Variants in JAKMIP3 observed in about 807,000 individuals in gnomAD.
JAKMIP3 encodes janus kinase and microtubule-interacting protein 3.
In JAKMIP3, 58 loss-of-function variants were observed where a neutral mutation model predicts 118.5. The ratio of observed to expected loss-of-function variants is 0.49; its 90% CI spans 0.40 to 0.61. The LOEUF is 0.61. Ranked by LOEUF, JAKMIP3 falls within the 20% of genes least tolerant of loss-of-function variation. The pLI is 0.00. For synonymous variants in JAKMIP3, 486 were observed against 451.2 expected (o/e 1.08, Z -0.98); for missense variants, 950 against 1,109.0 (o/e 0.86, Z 2.04).
rs146552262 is a variant in JAKMIP3 at position 132,066,226 on chromosome 10, C to T, written c.-138+165C>T. Reference sequence around the variant, plus strand: ...GTCCTCTGAGGGGTGCAGGGACGATCACAGAGGAAGATGCTTCATTTATCC... The same window carrying T: ...GTCCTCTGAGGGGTGCAGGGACGATTACAGAGGAAGATGCTTCATTTATCC... On this transcript the variant is annotated intron_variant, in intron 1 of 23. Transcript: ENST00000684848. 4.1e-3 allele frequency among the ~76,000 whole-genome samples: 617 copies of T among 152,320 alleles called. 8 individuals are homozygous for T. Among genetic ancestry groups the T allele is most frequent in the African/African-American group, 0.014 (587 of 41,574 alleles).
chr10:132,180,781 G>GTA lies in JAKMIP3; in HGVS notation c.*1104-1575_*1104-1574insAT, dbSNP rs1286041055. Among the ~76,000 whole-genome samples, 11 of 70,918 alleles carry GTA rather than the reference G, an allele frequency of 1.6e-4. 1 individual carries two copies. Among genetic ancestry groups the GTA allele is most frequent in the African/African-American group, 5.8e-4 (11 of 18,886 alleles). The allele number at this position is 70,918 out of a possible 152,430, so 46.5% of individuals were successfully genotyped here. ...TGTGCGTGTGTGTGCGTGTGTGTGT[G>GTA]TGCGCGTATGCATGTGCTGTGAGTG... On this transcript the variant is annotated intron_variant, in intron 23 of 23. Coordinates refer to ENST00000684848, the MANE Select transcript of JAKMIP3 (RefSeq NM_001323087.2).
chr10:132,107,129 A>G (rs1158108460), intron 2 of JAKMIP3, among the ~76,000 whole-genome samples: 3 of 151,720 alleles, frequency 2.0e-5, no homozygotes, highest in African/African-American at 7.3e-5. Flanking sequence ...TCCTGGACTC[A>G]AGCAATCTTC....
chr10:132,104,669 C>T lies in JAKMIP3; in HGVS notation c.-137-3C>T. The T allele has an allele frequency of 2.4e-6, 2 of 839,618 alleles. No individual in the cohort carries two copies. The highest frequency in any genetic ancestry group is 3.7e-6 in the Non-Finnish European group (2 of 537,966). The allele number at this position is 839,618 out of a possible 1,614,324, so 52.0% of individuals were successfully genotyped here. On this transcript the variant is annotated splice_region_variant and splice_polypyrimidine_tract_variant and intron_variant, in intron 1 of 23. Coordinates refer to ENST00000684848, the MANE Select transcript of JAKMIP3 (RefSeq NM_001323087.2). ...GCTCACCGCGGTGTGCTTTCCCCTC[C>T]AGGTGAATGAGAAGATGTAGTGTGA...
intron 22 of JAKMIP3, 82 bp from the exon 23 acceptor site, chr10:132,167,871 C>CCCCTCGA: frequency 9.2e-7 from 1 of 1,091,200 alleles, no homozygotes; most frequent in Non-Finnish European, 1.2e-6. Context: ...TCGGCCCTCG[C>CCCCTCGA]CCCTCGCCCC....
At chr10:132,072,534 C>CAAAT (rs1169316161) in intron 1 of JAKMIP3, among the ~76,000 whole-genome samples, 3 of 152,038 alleles carry the variant, frequency 2.0e-5, no homozygotes, top group Non-Finnish European at 2.9e-5. Flanking sequence ...CAGCCTGTCT[C>CAAAT]AAATAAATAA....
At chr10:132,159,824 G>GC (rs1258947598) in intron 19 of JAKMIP3, among the ~76,000 whole-genome samples, 2 of 75,534 alleles carry the variant, frequency 2.6e-5, no homozygotes, top group African/African-American at 1.4e-4. Context: ...GATGCTGGGG[G>GC]GCCTCTCCCT....
chr10:132,144,500 C>A (rs74161732), intron 11 of JAKMIP3: 11,907 of 152,658 alleles, frequency 0.078, 701 homozygotes, highest in Admixed American at 0.19. Flanking sequence ...GCTGAGCACA[C>A]GCTAGGCCTC....
chr10:132,180,676 C>CGTGCGCGTGT (rs1374821205), intron 23 of JAKMIP3, among the ~76,000 whole-genome samples: 1 of 4,578 alleles, frequency 2.2e-4, no homozygotes, highest in African/African-American at 8.1e-4. Flanking sequence ...CGTGTGTGTG[C>CGTGCGCGTGT]GCGCGCGTGT....
chr10:132,143,320 C>T (rs1361311832), intron 11 of JAKMIP3, among the ~76,000 whole-genome samples: 1 of 152,164 alleles, frequency 6.6e-6, no homozygotes, highest in Non-Finnish European at 1.5e-5. Context: ...ACAGCAGCCC[C>T]GAGACATCCC....
At chr10:132,120,585 C>T (rs1239588246) in intron 3 of JAKMIP3, among the ~76,000 whole-genome samples, 1 of 152,254 alleles carries the variant, frequency 6.6e-6, no homozygotes, top group African/African-American at 2.4e-5. Context: ...GTACTTGGCT[C>T]CATGCCCATA....
At position 132,168,350 on chromosome 10, in the gene JAKMIP3, G is replaced by T; in HGVS notation, c.*420G>T. The T allele has an allele frequency of 7.8e-7, 1 of 1,289,592 alleles. No homozygotes were observed. Among genetic ancestry groups the T allele is most frequent in the Non-Finnish European group, 1.0e-6 (1 of 988,820 alleles). 79.9% of individuals were successfully genotyped at this position (1,289,592 alleles called of 1,614,324 possible). A position where few individuals can be genotyped will look rare whatever the true frequency, so the allele number is the denominator to read the frequency against. On this transcript the variant is annotated 3_prime_UTR_variant, in exon 23 of 24. Coordinates refer to ENST00000684848, the MANE Select transcript of JAKMIP3 (RefSeq NM_001323087.2). ...TTGGTTCTCACAGTAGCTGCCACTG[G>T]TGTCTGGAGGAAGATTTTCAGAAAC...
rs1208320282 is a variant in JAKMIP3, at chr10:132,080,113, G to C, written c.-138+14052G>C. Among the ~76,000 whole-genome samples the C allele has an allele frequency of 1.3e-5, 2 of 152,210 alleles. 1 individual carries two copies. The highest frequency in any genetic ancestry group is 1.3e-4 in the Admixed American group (2 of 15,284). On this transcript the variant is annotated intron_variant, in intron 1 of 23. Coordinates refer to ENST00000684848, the MANE Select transcript of JAKMIP3 (RefSeq NM_001323087.2). Reference sequence around the variant, plus strand: ...GATAATTGCTTGAGCCCAGAAGTTGGAGGCTGCAGTGAGCTACAGTCATCA... The same window carrying C: ...GATAATTGCTTGAGCCCAGAAGTTGCAGGCTGCAGTGAGCTACAGTCATCA...
chr10:132,098,549 T>G (rs1320477702), intron 1 of JAKMIP3, among the ~76,000 whole-genome samples: 1 of 152,216 alleles, frequency 6.6e-6, no homozygotes, highest in African/African-American at 2.4e-5. Context: ...TTGTCCATCT[T>G]GAAGCATCTT....
rs1312612878 is a variant in JAKMIP3 at position 132,117,163 on chromosome 10, G to A, written c.222G>A (p.Glu74=). 1 of 1,613,860 alleles carries A rather than the reference G, an allele frequency of 6.2e-7. No homozygotes were observed. The highest frequency in any genetic ancestry group is 8.5e-7 in the Non-Finnish European group (1 of 1,179,912). The change falls in exon 3 of 24, where the codon GAG becomes GAA. Residue 74 remains glutamate (E), a synonymous_variant. Coordinates refer to ENST00000684848, the MANE Select transcript of JAKMIP3 (RefSeq NM_001323087.2). The surrounding 1 kb of genome is among the most constrained non-coding windows in gnomAD (Gnocchi z 8.6). ...EQHKTAVLLT[E]LKTKLHEEKM... The stretch of plus-strand genomic sequence containing the variant: ...ATAAGACCGCGGTCTTGCTCACGGA[G>A]CTCAAGACAAAGCTGCACGAGGAGA...
intron 3 of JAKMIP3, among the ~76,000 whole-genome samples, chr10:132,129,470 T>C (rs1333914609): frequency 6.6e-6 from 1 of 152,218 alleles, no homozygotes; most frequent in Non-Finnish European, 1.5e-5. Flanking sequence ...GGCATTCCTT[T>C]TCTGCCATTC....
intron 14 of JAKMIP3, among the ~76,000 whole-genome samples, chr10:132,148,761 C>A (rs1350985669): frequency 1.3e-5 from 2 of 152,196 alleles, no homozygotes; most frequent in African/African-American, 4.8e-5. Context: ...GCAGCCACGT[C>A]GCTGTGATTG....
At chr10:132,180,658 CGTGTGTGCGTGTGTGTGCGCGCGCGT>C (rs2060984056) in intron 23 of JAKMIP3, among the ~76,000 whole-genome samples, 1 of 8,432 alleles carries the variant, frequency 1.2e-4, no homozygotes, top group Non-Finnish European at 1.9e-4. Context: ...TGTGCGTGTG[CGTGTGTGCGTGTGTGTGCGCGCGCGT>C]GTGTGTGCGT....
intron 2 of JAKMIP3, among the ~76,000 whole-genome samples, chr10:132,108,643 C>T (rs1260474503): frequency 1.3e-5 from 2 of 151,808 alleles, no homozygotes; most frequent in Non-Finnish European, 1.5e-5. Flanking sequence ...TGCTCTTCTC[C>T]TACCTGGTCC....
At chr10:132,065,680 G>T (rs1423649221), upstream of JAKMIP3, among the ~76,000 whole-genome samples, 1 of 152,098 alleles carries the variant, frequency 6.6e-6, no homozygotes, top group Non-Finnish European at 1.5e-5. The surrounding 1 kb of genome is among the most constrained non-coding windows in gnomAD (Gnocchi z 5.6). Context: ...TCTCACCTGC[G>T]TGGCTGTGCC....
Sources: gnomAD v4.1 joint callset for allele counts (sites outside exome capture counted in the v4.1 genomes callset) on GRCh38, gnomAD v4.1.1 for gene constraint, Gnocchi (gnomAD v3.1) non-coding constraint, MANE v1.5 for transcripts, NCBI Gene and HGNC (gene_info 2026-07-23, HGNC 2026-07-21) for gene names.